ZNF607: variants seen among roughly 807,000 people sequenced by gnomAD.
ZNF607 encodes the protein zinc finger protein 607.
In ZNF607, 5 loss-of-function variants were observed where a neutral mutation model predicts 12.8. The ratio of observed to expected loss-of-function variants is 0.39; its 90% CI spans 0.20 to 0.82. The LOEUF (loss-of-function observed/expected upper bound fraction) is 0.82. ZNF607 is among the 40% of genes least tolerant of loss of function. The pLI, the probability that ZNF607 is intolerant of heterozygous loss-of-function variation, is 0.39. For missense variants in ZNF607, 851 were observed against 859.2 expected (o/e 0.99, Z 0.12); for synonymous variants, 287 against 276.2 (o/e 1.04, Z -0.39).
chr19:37,697,808 T>C lies in ZNF607; in HGVS notation c.*232A>G, dbSNP rs2044989749. ...TATCAGAAAAGTTTTCTTATGTTAT[T>C]AAAAAAATACATTATAAATTCTCTG... On this transcript the variant is annotated 3_prime_UTR_variant, in exon 5 of 5. Transcript: ENST00000355202. The C allele has an allele frequency of 7.5e-6, 3 of 400,578 alleles. No individual in the cohort carries two copies. The highest frequency in any genetic ancestry group is 1.4e-3 in the Middle Eastern group (2 of 1,440). 24.8% of individuals were successfully genotyped at this position (400,578 alleles called of 1,614,324 possible). A position where few individuals can be genotyped will look rare whatever the true frequency, so the allele number is the denominator to read the frequency against.
chr19:37,709,626 GA>G (rs1278669935), intron 3 of ZNF607, 69 bp downstream of exon 3: 4 of 1,525,564 alleles, frequency 2.6e-6, no homozygotes, highest in African/African-American at 1.4e-5. Context: ...AACCACAACA[GA>G]AAAAGAATGT....
At position 37,699,634 on chromosome 19, in the gene ZNF607, C is replaced by T. The variant is rs750129424; in HGVS notation, c.497G>A (p.Arg166His). The T allele has an allele frequency of 1.5e-5, 25 of 1,613,964 alleles. No homozygotes were observed. Among genetic ancestry groups the T allele is most frequent in the Middle Eastern group, 1.6e-4 (1 of 6,084 alleles). The change falls in exon 5 of 5, where the codon CGT (arginine) becomes CAT (histidine). Residue 166 changes from arginine (R) to histidine (H), a missense_variant. Physicochemically the swap from Arg to His is conservative, Grantham distance 29. Transcript: ENST00000355202. ...TTCTTCACATTCATAAGGTTTCTCACGAGCATTAATTTTCTGATGCTTTCT... is the reference window on the plus strand; with the variant it reads ...TTCTTCACATTCATAAGGTTTCTCATGAGCATTAATTTTCTGATGCTTTCT... ...DLRKHQKINA[R>H]EKPYECEECG...
chr19:37,710,118 G>A (rs2045120553), intron 2 of ZNF607, among the ~76,000 whole-genome samples: 1 of 151,470 alleles, frequency 6.6e-6, no homozygotes, highest in African/African-American at 2.4e-5. Context: ...TTGCGCCACT[G>A]CACTCCAGCC....
rs760426350 is a variant in ZNF607, at chr19:37,699,491, C to T, written c.640G>A (p.Val214Ile). 1.9e-5 allele frequency: 30 copies of T among 1,613,886 alleles called. No homozygotes were observed. The highest frequency in any genetic ancestry group is 2.5e-5 in the Non-Finnish European group (29 of 1,179,880). Residue 214 changes from valine (V) to isoleucine (I), a missense_variant, in exon 5 of 5, where the codon GTA (valine) becomes ATA (isoleucine). Transcript: ENST00000355202. ...TCACCATAATGAAATCTATGATGTA[C>T]AGTAAGTTGACGGCTAGTCCTAAAA... ...EAFRTSRQLT[V>I]HHRFHYGEKP...
At chr19:37,719,188 T>C (rs529341420) in intron 1 of ZNF607, 81 bp downstream of exon 1, 4 of 153,392 alleles carry the variant, frequency 2.6e-5, no homozygotes, top group East Asian at 1.9e-4. Flanking sequence ...CAAGGGTCAA[T>C]AGACCCCACA....
In ZNF607 at chr19:37,698,351, A is replaced by T. The variant is rs749601071; in HGVS notation, c.1780T>A (p.Cys594Ser). ...AGEKSYECKE[C>S]GETFSHASHL... Reference sequence around the variant, plus strand: ...GAAGCATGACTAAAAGTTTCCCCACATTCTTTACATTCATAGGACTTTTCA... The same window carrying T: ...GAAGCATGACTAAAAGTTTCCCCACTTTCTTTACATTCATAGGACTTTTCA... The change falls in exon 5 of 5, where the codon TGT becomes AGT. Residue 594 changes from cysteine to serine, a missense_variant. Transcript: ENST00000355202. The T allele has an allele frequency of 6.2e-6, 10 of 1,613,996 alleles. No homozygotes were observed. Among genetic ancestry groups the T allele is most frequent in the Non-Finnish European group, 7.6e-6 (9 of 1,180,014 alleles).
intron 4 of ZNF607, among the ~76,000 whole-genome samples, chr19:37,707,105 T>C (rs1037384346): frequency 1.3e-5 from 2 of 151,684 alleles, no homozygotes; most frequent in African/African-American, 2.4e-5. Flanking sequence ...GGATTACAGG[T>C]GTGAGCCACT....
intron 1 of ZNF607, chr19:37,719,035 C>T (rs1195901998): frequency 6.6e-6 from 1 of 152,276 alleles, no homozygotes; most frequent in Non-Finnish European, 1.5e-5. Flanking sequence ...GGCAATTACT[C>T]TTCTAAGCTT....
chr19:37,696,674 G>T lies in ZNF607; in HGVS notation c.*1366C>A. ...CCTGCCGGCAGGCAGGTGATGTTCC[G>T]AGAGCATGAGAGCTGGTATGCAATG... On this transcript the variant is annotated 3_prime_UTR_variant, in exon 5 of 5. Transcript: ENST00000355202. 1 of 707,634 alleles carries T rather than the reference G, an allele frequency of 1.4e-6. No homozygotes were observed. 43.8% of individuals were successfully genotyped at this position (707,634 alleles called of 1,614,324 possible). A position where few individuals can be genotyped will look rare whatever the true frequency, so the allele number is the denominator to read the frequency against.
chr19:37,709,684 T>G lies in ZNF607; in HGVS notation c.136+12A>C, dbSNP rs1327891935. ...TAAATTATTCTAAATCATTCCAGGT[T>G]GATAAACATACCCAATGAGACTAAG... On this transcript the variant is annotated intron_variant, in intron 3 of 4. Coordinates refer to ENST00000355202, the MANE Select transcript of ZNF607 (RefSeq NM_032689.5). The G allele has an allele frequency of 6.2e-7, 1 of 1,611,572 alleles. No homozygotes were observed. Among genetic ancestry groups the G allele is most frequent in the Admixed American group, 1.7e-5 (1 of 59,992 alleles).
In ZNF607 at chr19:37,698,781, T is replaced by C; in HGVS notation, c.1350A>G (p.Glu450=). 1 of 1,613,806 alleles carries C rather than the reference T, an allele frequency of 6.2e-7. No individual in the cohort carries two copies. Among genetic ancestry groups the C allele is most frequent in the Non-Finnish European group, 8.5e-7 (1 of 1,179,806 alleles). ...NRIHTGYKPF[E]CKECGKSFRC... ...GAAAGGACTTCCCACATTCTTTACA[T>C]TCAAAGGGTTTGTAACCAGTATGAA... The change falls in exon 5 of 5, where the codon GAA becomes GAG. Residue 450 remains glutamate, a synonymous_variant. Transcript: ENST00000355202.
At position 37,697,856 on chromosome 19, in the gene ZNF607, AC is replaced by A. The variant is rs2044990274; in HGVS notation, c.*183del. ...CTGAATCTGAGTTAACACAGGTCAT[AC>A]CAAAGAAACTGCATATATGATTTAC... On this transcript the variant is annotated 3_prime_UTR_variant, in exon 5 of 5. Coordinates refer to ENST00000355202, the MANE Select transcript of ZNF607 (RefSeq NM_032689.5). The A allele has an allele frequency of 1.8e-6, 1 of 542,846 alleles. No individual in the cohort carries two copies. The highest frequency in any genetic ancestry group is 3.2e-6 in the Non-Finnish European group (1 of 315,680). 33.6% of individuals were successfully genotyped at this position (542,846 alleles called of 1,614,324 possible).
chr19:37,707,460 T>C (rs1263617585), intron 4 of ZNF607, among the ~76,000 whole-genome samples: 1 of 151,696 alleles, frequency 6.6e-6, no homozygotes, highest in Admixed American at 6.6e-5. Context: ...AAAAAAAAGG[T>C]TGGGCAGGGG....
At chr19:37,705,684 C>T (rs2045075847) in intron 4 of ZNF607, among the ~76,000 whole-genome samples, 1 of 93,194 alleles carries the variant, frequency 1.1e-5, no homozygotes, top group Admixed American at 1.1e-4. Flanking sequence ...GACTCTCTCT[C>T]CAAAAAAAAA....
intron 1 of ZNF607, among the ~76,000 whole-genome samples, chr19:37,713,631 G>A (rs1263491598): frequency 6.6e-6 from 1 of 151,768 alleles, no homozygotes; most frequent in Non-Finnish European, 1.5e-5. Flanking sequence ...GTAGAGATGG[G>A]GTTATCACCA....
At chr19:37,709,658 C>T (rs745381468) in intron 3 of ZNF607, 38 bp downstream of exon 3, 1 of 1,592,798 alleles carries the variant, frequency 6.3e-7, no homozygotes, top group Admixed American at 1.7e-5. Context: ...ACAGATGATT[C>T]TAAATTATTC....
intron 1 of ZNF607, among the ~76,000 whole-genome samples, chr19:37,717,641 CA>C (rs530962725): frequency 0.37 from 47,057 of 128,584 alleles, 8,200 homozygotes; most frequent in Middle Eastern, 0.46. Flanking sequence ...ACTAAAAATA[CA>C]AAAAAAAAAA....
At chr19:37,711,501 T>G in intron 2 of ZNF607, 109 bp downstream of exon 2, 1 of 1,126,982 alleles carries the variant, frequency 8.9e-7, no homozygotes, top group Non-Finnish European at 1.3e-6. Context: ...GGAGATTAGG[T>G]TAACTGAGCA....
chr19:37,703,949 A>T (rs2045060062), intron 4 of ZNF607, among the ~76,000 whole-genome samples: 1 of 152,168 alleles, frequency 6.6e-6, no homozygotes, highest in South Asian at 2.1e-4. Context: ...AGCCTGGCCA[A>T]CATAGTGAAA....
Sources: allele counts gnomAD v4.1 joint callset (sites outside exome capture counted in the v4.1 genomes callset), GRCh38; gene constraint gnomAD v4.1.1; transcripts MANE v1.5; gene names NCBI Gene and HGNC (gene_info 2026-07-23, HGNC 2026-07-21).